The following GSE1 variants were observed in gnomAD, a reference collection of about 807,000 sequenced individuals.
GSE1 encodes genetic suppressor element 1.
Under a neutral mutation model 112.6 loss-of-function variants are expected in GSE1, and 32 were observed. The observed-to-expected ratio is 0.28, with a 90% confidence interval of 0.21 to 0.38. The LOEUF is 0.38. Ranked by LOEUF, GSE1 falls within the 10% of genes least tolerant of loss-of-function variation. The probability of loss-of-function intolerance (pLI) is 1.00; values close to 1 mark genes in which losing one functional copy is unlikely to be tolerated. For missense variants in GSE1, 2,348 were observed against 1,699.2 expected (o/e 1.38, Z -6.71); for synonymous variants, 1,115 against 735.6 (o/e 1.52, Z -8.35).
rs192435942 is a variant in GSE1 at position 85,578,715 on chromosome 16, C to T, written c.37+22352C>T. ...TCTTGAGAGTAAAAGCCAGCATTCTCTGCCTCCACTACCCCTCACCACACA... is the reference window on the plus strand; with the variant it reads ...TCTTGAGAGTAAAAGCCAGCATTCTTTGCCTCCACTACCCCTCACCACACA... On this transcript the variant is annotated intron_variant, in intron 1 of 2. Coordinates refer to the GSE1 transcript ENST00000635906. 1.6e-3 allele frequency among the ~76,000 whole-genome samples: 236 copies of T among 152,250 alleles called. 1 individual carries two copies. The highest frequency in any genetic ancestry group is 5.2e-3 in the African/African-American group (216 of 41,536).
intron 1 of GSE1, among the ~76,000 whole-genome samples, chr16:85,182,370 C>T (rs1031836000): frequency 1.4e-4 from 21 of 152,190 alleles, no homozygotes; most frequent in Admixed American, 8.5e-4. Flanking sequence ...TCGGGCCTGG[C>T]CTTCAGGTGG....
chr16:85,613,212 T>C, upstream of GSE1: 3 of 1,474,260 alleles, frequency 2.0e-6, no homozygotes, highest in Non-Finnish European at 2.7e-6. Flanking sequence ...TGCGTTTGGG[T>C]GTGTCCTCGG....
At chr16:85,186,220 C>T (rs1005131848) in intron 1 of GSE1, among the ~76,000 whole-genome samples, 2 of 152,116 alleles carry the variant, frequency 1.3e-5, no homozygotes, top group Non-Finnish European at 2.9e-5. Context: ...TCTGTAATCC[C>T]GGCAGTTTGA....
intron 1 of GSE1, among the ~76,000 whole-genome samples, chr16:85,229,589 C>G (rs949625839): frequency 6.6e-6 from 1 of 152,184 alleles, no homozygotes. Flanking sequence ...ACTGAGGTTC[C>G]GAAACTTGCC....
intron 1 of GSE1, among the ~76,000 whole-genome samples, chr16:85,349,140 C>T (rs1180709744): frequency 2.6e-5 from 4 of 152,178 alleles, no homozygotes; most frequent in Non-Finnish European, 5.9e-5. Flanking sequence ...TCCAATTACA[C>T]CCGGTCGCCA....
chr16:85,342,581 C>T (rs1028672409), intron 1 of GSE1, among the ~76,000 whole-genome samples: 25 of 152,206 alleles, frequency 1.6e-4, no homozygotes, highest in African/African-American at 4.1e-4. Flanking sequence ...ATGAATTCCT[C>T]CTCCTCAGAG....
At position 85,634,078 on chromosome 16, in the gene GSE1, T is replaced by G; in HGVS notation, c.172T>G (p.Ser58Ala). The G allele has an allele frequency of 6.2e-7, 1 of 1,602,344 alleles. No individual in the cohort carries two copies. The highest frequency in any genetic ancestry group is 8.5e-7 in the Non-Finnish European group (1 of 1,175,312). Residue 58 changes from serine to alanine, a missense_variant, in exon 2 of 16, where the codon TCC (serine) becomes GCC (alanine). Transcript: ENST00000253458. ...SALSAQAAPS[S>A]SFAAALRKLA... is the part of the protein sequence containing the mutation. ...GCTGTCGGCCCAGGCCGCGCCATCC[T>G]CCAGCTTTGCCGCCGCGCTGCGCAA...
In GSE1 at chr16:85,221,331, CACA is replaced by C. The variant is rs2075388584; in HGVS notation, c.2283+49525_2283+49527del. 8.1e-5 allele frequency among the ~76,000 whole-genome samples: 12 copies of C among 149,040 alleles called. No homozygotes were observed. The South Asian group carries it at 1.1e-3, about 14-fold the overall frequency. Reference sequence around the variant, plus strand: ...TAGCGCGCACACACACACACACACACACACCCCAAGTACATGCACACACACACA... The same window carrying C: ...TAGCGCGCACACACACACACACACACCCCCAAGTACATGCACACACACACA... On this transcript the variant is annotated intron_variant, in intron 1 of 2. Transcript: ENST00000637419.
intron 13 of GSE1, among the ~76,000 whole-genome samples, chr16:85,667,781 C>T (rs1232428832): frequency 2.0e-5 from 3 of 152,148 alleles, no homozygotes; most frequent in Admixed American, 1.3e-4. Context: ...ATTGCTTGAA[C>T]CTGGGAGGGG....
intron 1 of GSE1, among the ~76,000 whole-genome samples, chr16:85,253,490 C>T (rs533715990): frequency 4.6e-5 from 7 of 152,350 alleles, no homozygotes; most frequent in Non-Finnish European, 8.8e-5. Context: ...CCCTTTGTTC[C>T]TCTGCCTCCT....
chr16:85,269,159 A>G (rs1476349800), intron 1 of GSE1, among the ~76,000 whole-genome samples: 1 of 149,186 alleles, frequency 6.7e-6, no homozygotes, highest in East Asian at 1.9e-4. Context: ...TTCTTTTATT[A>G]CCATGCCATC....
intron 14 of GSE1, among the ~76,000 whole-genome samples, chr16:85,669,691 C>G (rs1440618441): frequency 6.6e-6 from 1 of 152,210 alleles, no homozygotes; most frequent in African/African-American, 2.4e-5. Flanking sequence ...TTTCCATACC[C>G]CATGGCTGTC....
chr16:85,569,830 G>T (rs140927209), intron 1 of GSE1, among the ~76,000 whole-genome samples: 1 of 152,168 alleles, frequency 6.6e-6, no homozygotes, highest in Non-Finnish European at 1.5e-5. Flanking sequence ...CAGTCTCTCC[G>T]GGGGGCCTTG....
chr16:85,608,956 C>T (rs2047839473), upstream of GSE1, among the ~76,000 whole-genome samples: 1 of 152,244 alleles, frequency 6.6e-6, no homozygotes, highest in South Asian at 2.1e-4. Flanking sequence ...AGGCTGTGTG[C>T]TGTCCTGCTG....
intron 1 of GSE1, among the ~76,000 whole-genome samples, chr16:85,336,883 C>G (rs763855749): frequency 6.6e-6 from 1 of 152,244 alleles, no homozygotes; most frequent in Non-Finnish European, 1.5e-5. Flanking sequence ...CATACACATG[C>G]TCACACAGGC....
At chr16:85,623,898 C>A (rs1421509235) in intron 1 of GSE1, among the ~76,000 whole-genome samples, 1 of 152,112 alleles carries the variant, frequency 6.6e-6, no homozygotes, top group Non-Finnish European at 1.5e-5. Flanking sequence ...ACGGCCTGGT[C>A]CCTGTTCTTG....
chr16:85,491,855 C>T (rs1057103099), intron 2 of GSE1, among the ~76,000 whole-genome samples: 6 of 152,176 alleles, frequency 3.9e-5, no homozygotes, highest in Non-Finnish European at 7.4e-5. Flanking sequence ...GCGCCCCTTG[C>T]GAGGTCAGCC....
At chr16:85,628,455 G>A (rs1405048361) in intron 1 of GSE1, among the ~76,000 whole-genome samples, 1 of 152,180 alleles carries the variant, frequency 6.6e-6, no homozygotes, top group African/African-American at 2.4e-5. Flanking sequence ...GGAGGTTGCT[G>A]TCAGGATGCC....
At chr16:85,182,249 T>G (rs1447421965) in intron 1 of GSE1, among the ~76,000 whole-genome samples, 2 of 152,004 alleles carry the variant, frequency 1.3e-5, no homozygotes, top group Non-Finnish European at 2.9e-5. Flanking sequence ...ACCATCAGCC[T>G]CGTACAGAAG....
Sources: allele counts gnomAD v4.1 joint callset (sites outside exome capture counted in the v4.1 genomes callset), GRCh38; gene constraint gnomAD v4.1.1; transcripts MANE v1.5; gene names NCBI Gene and HGNC (gene_info 2026-07-23, HGNC 2026-07-21).